Variants in GRM8 observed in about 807,000 individuals in gnomAD.
The protein encoded by GRM8 is glutamate metabotropic receptor 8.
Under a neutral mutation model 87.2 loss-of-function variants are expected in GRM8, and 47 were observed. The ratio of observed to expected loss-of-function variants is 0.54; its 90% CI spans 0.43 to 0.69. The LOEUF (loss-of-function observed/expected upper bound fraction) is 0.69. GRM8 is among the 30% of genes least tolerant of loss of function. The pLI, the probability that GRM8 is intolerant of heterozygous loss-of-function variation, is 0.00. For missense variants in GRM8, 1,019 were observed against 1,139.2 expected (o/e 0.89, Z 1.52); for synonymous variants, 396 against 404.5 (o/e 0.98, Z 0.25).
Position 126,439,053 on chromosome 7 carries a change from T to C in GRM8, c.*66A>G. 1 of 919,640 alleles carries C rather than the reference T, an allele frequency of 1.1e-6. No homozygotes were observed. The highest frequency in any genetic ancestry group is 1.8e-6 in the Non-Finnish European group (1 of 547,174). The allele number at this position is 919,640 out of a possible 1,614,324, so 57.0% of individuals were successfully genotyped here. A position where few individuals can be genotyped will look rare whatever the true frequency, so the allele number is the denominator to read the frequency against. On this transcript the variant is annotated 3_prime_UTR_variant, in exon 11 of 11. Coordinates refer to ENST00000339582, the MANE Select transcript of GRM8 (RefSeq NM_000845.3). ...ACGGAGATCTCCAGGAGTGAATTTT[T>C]GCGGTCTCATGTTCATCATTTAAGA...
chr7:127,046,548 TAA>T (rs142260999), intron 3 of GRM8, among the ~76,000 whole-genome samples: 270 of 152,302 alleles, frequency 1.8e-3, no homozygotes, highest in African/African-American at 6.2e-3. Context: ...TGCTACCTAA[TAA>T]AGTTACTGCT....
chr7:126,832,104 G>A (rs1795442206), intron 6 of GRM8, among the ~76,000 whole-genome samples: 2 of 151,296 alleles, frequency 1.3e-5, no homozygotes, highest in Non-Finnish European at 2.9e-5. Flanking sequence ...CTCAAGCTTG[G>A]GGACAGAATC....
intron 7 of GRM8, among the ~76,000 whole-genome samples, chr7:126,648,080 T>TA (rs1392295880): frequency 1.3e-5 from 2 of 152,088 alleles, no homozygotes; most frequent in Admixed American, 6.6e-5. Flanking sequence ...TTCACCTCCT[T>TA]AAAACCGATA....
At chr7:127,189,554 A>G (rs963894587) in intron 2 of GRM8, among the ~76,000 whole-genome samples, 1 of 152,216 alleles carries the variant, frequency 6.6e-6, no homozygotes, top group Non-Finnish European at 1.5e-5. Flanking sequence ...ATCCTCCCTC[A>G]GTCTAGTCTG....
intron 7 of GRM8, among the ~76,000 whole-genome samples, chr7:126,733,690 T>C (rs1403575778): frequency 2.0e-5 from 3 of 152,016 alleles, no homozygotes; most frequent in Non-Finnish European, 2.9e-5. Context: ...ATCATGTTGA[T>C]AGGTGACAAG....
chr7:126,475,109 T>C (rs1019780312), intron 9 of GRM8, among the ~76,000 whole-genome samples: 3 of 152,086 alleles, frequency 2.0e-5, no homozygotes, highest in African/African-American at 7.2e-5. Flanking sequence ...CTATTCAACA[T>C]AGTATTGGGA....
intron 3 of GRM8, among the ~76,000 whole-genome samples, chr7:126,996,838 A>G (rs1483540102): frequency 6.6e-6 from 1 of 152,028 alleles, no homozygotes; most frequent in Admixed American, 6.6e-5. Context: ...TCAGTACAAT[A>G]GTAGCTGGAG....
chr7:126,800,241 TG>T (rs1822503904), intron 6 of GRM8, among the ~76,000 whole-genome samples: 1 of 152,108 alleles, frequency 6.6e-6, no homozygotes. Flanking sequence ...CCTAATGCAT[TG>T]CTTTGTACAG....
At chr7:127,251,220 C>T (rs1440934843) in intron 1 of GRM8, 2 of 152,190 alleles carry the variant, frequency 1.3e-5, no homozygotes, top group African/African-American at 4.8e-5. Context: ...CAGTTTGGGC[C>T]ACGGGGGAAG....
At chr7:127,139,974 C>T (rs1010879567) in intron 2 of GRM8, among the ~76,000 whole-genome samples, 6 of 152,010 alleles carry the variant, frequency 3.9e-5, no homozygotes, top group Admixed American at 3.3e-4. Flanking sequence ...CCAGGGCAGC[C>T]CCACTATGCT....
chr7:126,863,744 T>C (rs1424216614), intron 6 of GRM8, among the ~76,000 whole-genome samples: 2 of 152,144 alleles, frequency 1.3e-5, no homozygotes, highest in Non-Finnish European at 2.9e-5. Flanking sequence ...ATTTCTGAGG[T>C]AAGGTGTTAA....
rs73451103 is a variant in GRM8 at position 126,730,322 on chromosome 7, G to C, written c.1357+39543C>G. Among the ~76,000 whole-genome samples the C allele has an allele frequency of 8.2e-3, 1,251 of 152,064 alleles. 26 individuals carry two copies. Among genetic ancestry groups the C allele is most frequent in the African/African-American group, 0.028 (1,172 of 41,502 alleles). ...GAAAAGATGTGTATTTGTATGGATA[G>C]GAAAAAAAATAAAATAAGAGCACTT... On this transcript the variant is annotated intron_variant, in intron 7 of 10. Coordinates refer to ENST00000339582, the MANE Select transcript of GRM8 (RefSeq NM_000845.3).
At chr7:126,688,839 C>T (rs889725760) in intron 7 of GRM8, among the ~76,000 whole-genome samples, 1 of 151,830 alleles carries the variant, frequency 6.6e-6, no homozygotes, top group African/African-American at 2.4e-5. Context: ...TCTCTCAGTT[C>T]CCTGGACAAT....
intron 8 of GRM8, among the ~76,000 whole-genome samples, chr7:126,564,725 AT>A (rs1794047451): frequency 6.6e-6 from 1 of 152,172 alleles, no homozygotes; most frequent in South Asian, 2.1e-4. Context: ...TTCCAAACTA[AT>A]TTTTTGAGGC....
intron 8 of GRM8, among the ~76,000 whole-genome samples, chr7:126,589,842 C>T (rs1796512166): frequency 1.3e-5 from 2 of 152,154 alleles, no homozygotes; most frequent in Non-Finnish European, 2.9e-5. Flanking sequence ...AGTACTACAT[C>T]AAGGGAGCAC....
At position 126,848,055 on chromosome 7, in the gene GRM8, T is replaced by C. The variant is rs150042092; in HGVS notation, c.1156+54487A>G. Among the ~76,000 whole-genome samples the C allele has an allele frequency of 1.4e-4, 22 of 152,266 alleles. No homozygotes were observed. The East Asian group carries it at 3.7e-3, about 25-fold the overall frequency. On this transcript the variant is annotated intron_variant, in intron 6 of 10. Coordinates refer to ENST00000339582, the MANE Select transcript of GRM8 (RefSeq NM_000845.3). ...AGGTAGAAATTATCATGGTGAGAAC[T>C]AGTGTGATGATAGGAACAGAAAGGA...
rs1798938788 is a variant in GRM8, at chr7:127,252,733, T to C, written c.-312+64A>G. On this transcript the variant is annotated intron_variant, in intron 1 of 10. Coordinates refer to ENST00000339582, the MANE Select transcript of GRM8 (RefSeq NM_000845.3). The surrounding 1 kb of genome is among the most constrained non-coding windows in gnomAD (Gnocchi z 4.9). ...GGAAGTTTGGGGGCCAGGGGCTTTT[T>C]GTCCCGTGGTTCGGCACTTGCTTTC... 6.5e-6 allele frequency: 1 copy of C among 153,924 alleles called. No homozygotes were observed. Among genetic ancestry groups the C allele is most frequent in the Non-Finnish European group, 1.5e-5 (1 of 68,848 alleles). 9.5% of individuals were successfully genotyped at this position (153,924 alleles called of 1,614,324 possible).
chr7:127,116,645 A>T (rs991025467), intron 2 of GRM8, among the ~76,000 whole-genome samples: 1 of 152,220 alleles, frequency 6.6e-6, no homozygotes, highest in Non-Finnish European at 1.5e-5. Context: ...CATTAAGTTG[A>T]CACATTGAAA....
In GRM8 at chr7:126,685,933, C is replaced by T. The variant is rs1274550665; in HGVS notation, c.1358-76435G>A. Among the ~76,000 whole-genome samples, 4 of 151,922 alleles carry T rather than the reference C, an allele frequency of 2.6e-5. No homozygotes were observed. Among genetic ancestry groups the T allele is most frequent in the South Asian group, 2.1e-4 (1 of 4,804 alleles). On this transcript the variant is annotated intron_variant, in intron 7 of 10. Coordinates refer to ENST00000339582, the MANE Select transcript of GRM8 (RefSeq NM_000845.3). This position sits in a 1 kb window ranked among gnomAD's most constrained non-coding sequence, Gnocchi z 4.2. ...CTCGTAGCGCTTTTCCCTGGGCCCTCGTGGGTGCCCATGGACTGATCAACA... is the reference window on the plus strand; with the variant it reads ...CTCGTAGCGCTTTTCCCTGGGCCCTTGTGGGTGCCCATGGACTGATCAACA...
Sources: gnomAD v4.1 joint callset for allele counts (sites outside exome capture counted in the v4.1 genomes callset) on GRCh38, gnomAD v4.1.1 for gene constraint, Gnocchi (gnomAD v3.1) non-coding constraint, MANE v1.5 for transcripts, NCBI Gene and HGNC (gene_info 2026-07-23, HGNC 2026-07-21) for gene names.